Variants in HNRNPC observed in about 807,000 individuals in gnomAD.
The protein encoded by HNRNPC is heterogeneous nuclear ribonucleoproteins C1/C2.
Under a neutral mutation model 33.2 loss-of-function variants are expected in HNRNPC, and 3 were observed. The observed-to-expected ratio is 0.09, with a 90% CI of 0.04 to 0.23. HNRNPC has a LOEUF of 0.23. Ranked by LOEUF, HNRNPC falls within the 10% of genes least tolerant of loss-of-function variation. The pLI is 1.00. For synonymous variants in HNRNPC, 121 were observed against 126.7 expected (o/e 0.96, Z 0.30); for missense variants, 143 against 366.7 (o/e 0.39, Z 4.98).
chr14:21,236,453 G>A (rs1033907956), intron 2 of HNRNPC: 2 of 152,054 alleles, frequency 1.3e-5, no homozygotes, highest in African/African-American at 2.4e-5. Flanking sequence ...TCTTAGTAAC[G>A]TGTCCTCCTA....
chr14:21,231,267 G>C, intron 3 of HNRNPC, 195 bp from the exon 4 acceptor site: 1 of 675,030 alleles, frequency 1.5e-6, no homozygotes, highest in Admixed American at 2.0e-5. Flanking sequence ...GAGAGTAACT[G>C]TCACTACAGG....
At chr14:21,212,839 C>A in intron 6 of HNRNPC, 121 bp downstream of exon 6, 1 of 1,289,250 alleles carries the variant, frequency 7.8e-7, no homozygotes, top group Non-Finnish European at 1.1e-6. Context: ...CACCACACAC[C>A]CAGCCTCTTC....
At chr14:21,219,587 TAC>T (rs1892602464) in intron 5 of HNRNPC, among the ~76,000 whole-genome samples, 2 of 152,232 alleles carry the variant, frequency 1.3e-5, no homozygotes, top group Admixed American at 6.5e-5. Flanking sequence ...CATATATTCA[TAC>T]AGTTTCCAAG....
At position 21,234,238 on chromosome 14, in the gene HNRNPC, C is replaced by CA. The variant is rs747570191; in HGVS notation, c.-36-10dup. 5.1e-5 allele frequency: 78 copies of CA among 1,527,130 alleles called. No individual in the cohort carries two copies. Among genetic ancestry groups the CA allele is most frequent in the East Asian group, 2.2e-4 (10 of 44,524 alleles). 94.6% of individuals were successfully genotyped at this position (1,527,130 alleles called of 1,614,324 possible). A position where few individuals can be genotyped will look rare whatever the true frequency, so the allele number is the denominator to read the frequency against. ...TCTCACAAAGCCGAAAACTGTAAAGCAAAAAAAAGTATACAGGTGAACAGA... is the reference window on the plus strand; with the variant it reads ...TCTCACAAAGCCGAAAACTGTAAAGCAAAAAAAAAGTATACAGGTGAACAGA... On this transcript the variant is annotated splice_polypyrimidine_tract_variant and intron_variant, in intron 2 of 8. Transcript: ENST00000553300.
In HNRNPC at chr14:21,210,415, T is replaced by C. The variant is rs1400367238; in HGVS notation, c.*808A>G. The C allele has an allele frequency of 3.3e-5, 5 of 152,492 alleles. No individual in the cohort carries two copies. The highest frequency in any genetic ancestry group is 7.2e-5 in the African/African-American group (3 of 41,454). The allele number at this position is 152,492 out of a possible 1,614,324, so 9.4% of individuals were successfully genotyped here. A position where few individuals can be genotyped will look rare whatever the true frequency, so the allele number is the denominator to read the frequency against. On this transcript the variant is annotated 3_prime_UTR_variant, in exon 9 of 9. Coordinates refer to ENST00000553300, the MANE Select transcript of HNRNPC (RefSeq NM_004500.4). ...TCAATGAAATATAATTTGAGTAGTG[T>C]TGTGTTGGTATGCATCATGATTATG...
intron 2 of HNRNPC, among the ~76,000 whole-genome samples, chr14:21,241,765 T>A (rs1895369683): frequency 6.6e-6 from 1 of 152,226 alleles, no homozygotes; most frequent in Non-Finnish European, 1.5e-5. Flanking sequence ...CCAAGAATCA[T>A]TAGCTCATTT....
rs1699906687 is a variant in HNRNPC, at chr14:21,211,490, C to T, written c.714G>A (p.Met238Ile). The T allele has an allele frequency of 6.2e-7, 1 of 1,613,056 alleles. No individual in the cohort carries two copies. The highest frequency in any genetic ancestry group is 1.7e-5 in the Admixed American group (1 of 59,930). Reference sequence around the variant, plus strand: ...AGTCATCTGCACCCCCCTCAGACTCCATCTTCACATTAGTCTCATCTTTCT... The same window carrying T: ...AGTCATCTGCACCCCCCTCAGACTCTATCTTCACATTAGTCTCATCTTTCT... ...SVKKDETNVK[M>I]ESEGGADDSA... The change falls in exon 8 of 9, where the codon ATG becomes ATA. Residue 238 changes from methionine (M) to isoleucine (I), a missense_variant. Coordinates refer to ENST00000553300, the MANE Select transcript of HNRNPC (RefSeq NM_004500.4).
chr14:21,253,330 CA>C (rs1470519045), intron 2 of HNRNPC, among the ~76,000 whole-genome samples: 1 of 141,830 alleles, frequency 7.1e-6, no homozygotes, highest in Non-Finnish European at 1.6e-5. Context: ...AAAAAAAATA[CA>C]AAAAATTAGC....
Position 21,217,827 on chromosome 14 carries a change from T to C in HNRNPC, c.366-4710A>G, listed in dbSNP as rs371161848. Among the ~76,000 whole-genome samples the C allele has an allele frequency of 7.9e-5, 12 of 152,342 alleles. No individual in the cohort carries two copies. The East Asian group carries it at 1.7e-3, about 22-fold the overall frequency. On this transcript the variant is annotated intron_variant, in intron 5 of 8. Coordinates refer to ENST00000553300, the MANE Select transcript of HNRNPC (RefSeq NM_004500.4). ...TAAAATTTGACATCTTAATGAAATG[T>C]TGCATATTAAGGGAAAAAGTGGTGT...
At chr14:21,224,459 A>G (rs936545790) in intron 5 of HNRNPC, among the ~76,000 whole-genome samples, 3 of 152,144 alleles carry the variant, frequency 2.0e-5, no homozygotes, top group African/African-American at 7.2e-5. Context: ...TGTAACCATT[A>G]ATGGCATAAT....
chr14:21,218,668 CG>C (rs1443384442), intron 5 of HNRNPC, among the ~76,000 whole-genome samples: 1 of 86,538 alleles, frequency 1.2e-5, no homozygotes, highest in Non-Finnish European at 2.1e-5. Flanking sequence ...GGAGACAAAG[CG>C]AAACTCTCTC....
At chr14:21,217,095 A>G (rs1447569799) in intron 5 of HNRNPC, among the ~76,000 whole-genome samples, 1 of 152,222 alleles carries the variant, frequency 6.6e-6, no homozygotes, top group Non-Finnish European at 1.5e-5. Flanking sequence ...ATATTTCAAA[A>G]TATTTCAGCC....
intron 5 of HNRNPC, among the ~76,000 whole-genome samples, chr14:21,216,400 T>A (rs1011829664): frequency 3.3e-5 from 5 of 152,050 alleles, no homozygotes; most frequent in Non-Finnish European, 5.9e-5. Flanking sequence ...ATCTTAAAAA[T>A]GTGAACAGAT....
intron 2 of HNRNPC, among the ~76,000 whole-genome samples, chr14:21,256,401 C>A (rs1400921722): frequency 1.3e-5 from 2 of 151,838 alleles, no homozygotes; most frequent in South Asian, 4.2e-4. Flanking sequence ...GTGAGCCGAG[C>A]TCGCACCACT....
At chr14:21,266,885 G>GTT (rs995825375) in intron 1 of HNRNPC, among the ~76,000 whole-genome samples, 8 of 151,612 alleles carry the variant, frequency 5.3e-5, no homozygotes, top group African/African-American at 1.9e-4. Context: ...GAGCTCAGGA[G>GTT]TTCGAGACCA....
chr14:21,228,349 A>G (rs1473888622), intron 5 of HNRNPC, among the ~76,000 whole-genome samples: 1 of 152,150 alleles, frequency 6.6e-6, no homozygotes, highest in Admixed American at 6.5e-5. Context: ...GTTCACTAGT[A>G]ATGTCCTGAT....
chr14:21,244,047 A>G (rs1404937386), intron 2 of HNRNPC, among the ~76,000 whole-genome samples: 1 of 150,404 alleles, frequency 6.6e-6, no homozygotes, highest in Non-Finnish European at 1.5e-5. Flanking sequence ...TTTTTTTTTA[A>G]GACGAAGCTT....
At chr14:21,245,883 T>C (rs1354391450) in intron 2 of HNRNPC, among the ~76,000 whole-genome samples, 1 of 152,126 alleles carries the variant, frequency 6.6e-6, no homozygotes, top group Non-Finnish European at 1.5e-5. Context: ...TCTCCCTCTG[T>C]CACTAAGGCT....
At chr14:21,232,119 G>T (rs1299469301) in intron 3 of HNRNPC, among the ~76,000 whole-genome samples, 1 of 152,074 alleles carries the variant, frequency 6.6e-6, no homozygotes, top group Non-Finnish European at 1.5e-5. Flanking sequence ...AATACAATTT[G>T]TAACACGTAT....
Sources: allele counts gnomAD v4.1 joint callset (sites outside exome capture counted in the v4.1 genomes callset), GRCh38; gene constraint gnomAD v4.1.1; transcripts MANE v1.5; gene names NCBI Gene and HGNC (gene_info 2026-07-23, HGNC 2026-07-21).